TACC2: variants seen among roughly 807,000 people sequenced by gnomAD.
TACC2 encodes the protein transforming acidic coiled-coil-containing protein 2.
TACC2 carries 137 observed loss-of-function variants against 227.3 expected under a neutral mutation model. The observed-to-expected ratio is 0.60, with a 90% CI of 0.52 to 0.69. The LOEUF is 0.69. TACC2 is among the 30% of genes least tolerant of loss of function. The pLI is 0.00. For missense variants in TACC2, 3,470 were observed against 3,694.4 expected, an observed-to-expected ratio of 0.94 and a Z score of 1.57; for synonymous variants, 1,523 against 1,487.5, an observed-to-expected ratio of 1.02 and a Z score of -0.55.
intron 7 of TACC2, among the ~76,000 whole-genome samples, chr10:122,167,911 G>A (rs193063958): frequency 9.9e-5 from 15 of 151,930 alleles, no homozygotes; most frequent in Admixed American, 5.2e-4. Flanking sequence ...TTTTGAGACA[G>A]TGTTTCACTC....
In TACC2 at chr10:122,143,847, G is replaced by A. The variant is rs191121130; in HGVS notation, c.5834+141G>A. On this transcript the variant is annotated intron_variant, in intron 7 of 22. Transcript: ENST00000369005. ...TTTGGCCCCGTGAGACCATGTCTCT[G>A]ACCCTTTGGGCCATAGCCGATCTCA... The A allele has an allele frequency of 1.6e-4, 153 of 930,182 alleles. No individual in the cohort carries two copies. In the African/African-American group the frequency reaches 2.3e-3, roughly 14 times the overall value. The allele number at this position is 930,182 out of a possible 1,614,324, so 57.6% of individuals were successfully genotyped here. A position where few individuals can be genotyped will look rare whatever the true frequency, so the allele number is the denominator to read the frequency against.
chr10:122,151,903 A>G (rs1238031276), intron 7 of TACC2, among the ~76,000 whole-genome samples: 1 of 152,200 alleles, frequency 6.6e-6, no homozygotes, highest in East Asian at 1.9e-4. Context: ...AACGTGGGCC[A>G]CAGTATGTCT....
chr10:122,018,032 A>G (rs1266555711), intron 1 of TACC2, among the ~76,000 whole-genome samples: 1 of 148,312 alleles, frequency 6.7e-6, no homozygotes, highest in Non-Finnish European at 1.5e-5. Context: ...AACAGGATAC[A>G]TGTGCAGAAC....
chr10:122,155,363 T>C (rs917256555), intron 7 of TACC2, among the ~76,000 whole-genome samples: 2 of 151,098 alleles, frequency 1.3e-5, no homozygotes, highest in African/African-American at 4.8e-5. Flanking sequence ...AACCAGTGAC[T>C]TTAAACCTTA....
intron 8 of TACC2, among the ~76,000 whole-genome samples, chr10:122,197,684 TTA>T (rs2094620178): frequency 2.0e-5 from 3 of 152,320 alleles, no homozygotes; most frequent in Admixed American, 6.5e-5. Flanking sequence ...AACGGGGACT[TTA>T]TGTTTCTCCT....
At chr10:122,055,300 A>G (rs992264434) in intron 3 of TACC2, among the ~76,000 whole-genome samples, 1 of 152,174 alleles carries the variant, frequency 6.6e-6, no homozygotes, top group Admixed American at 6.5e-5. Flanking sequence ...CGTGTGGGGT[A>G]GAGCACAGAG....
rs558023965 is a variant in TACC2, at chr10:122,175,706, T to G, written c.5835-19334T>G. Among the ~76,000 whole-genome samples the G allele has an allele frequency of 2.0e-5, 3 of 152,356 alleles. No individual in the cohort carries two copies. The South Asian group carries it at 6.2e-4, about 32-fold the overall frequency. On this transcript the variant is annotated intron_variant, in intron 7 of 22. Coordinates refer to ENST00000369005, the MANE Select transcript of TACC2 (RefSeq NM_206862.4). ...ACTTTCCTGGAGACTGTCTGAATTGTCTACAACTCAGGGACCAGGGAAATA... is the reference window on the plus strand; with the variant it reads ...ACTTTCCTGGAGACTGTCTGAATTGGCTACAACTCAGGGACCAGGGAAATA...
intron 5 of TACC2, among the ~76,000 whole-genome samples, chr10:122,112,628 GCGCGGGCCGCC>G (rs1192191675): frequency 4.7e-4 from 7 of 14,798 alleles, no homozygotes; most frequent in African/African-American, 6.0e-4. Context: ...CGCAGAGGAA[GCGCGGGCCGCC>G]TGGCCGGTAC....
chr10:122,183,055 G>C (rs2094028874), intron 7 of TACC2, among the ~76,000 whole-genome samples: 1 of 152,044 alleles, frequency 6.6e-6, no homozygotes, highest in African/African-American at 2.4e-5. Context: ...AATACAAAAA[G>C]TTAGATGGGC....
intron 1 of TACC2, among the ~76,000 whole-genome samples, chr10:122,010,279 A>G (rs1955761686): frequency 6.6e-6 from 1 of 152,238 alleles, no homozygotes; most frequent in African/African-American, 2.4e-5. Context: ...ATATCCAAAA[A>G]TGACAGCATA....
intron 7 of TACC2, among the ~76,000 whole-genome samples, chr10:122,157,044 C>T (rs2092533781): frequency 6.6e-6 from 1 of 152,074 alleles, no homozygotes; most frequent in Non-Finnish European, 1.5e-5. Flanking sequence ...CCCAGGAGGT[C>T]GAGGCTGCAG....
rs556792085 is a variant in TACC2, at chr10:122,225,742, G to A, written c.7609-624G>A. Reference sequence around the variant, plus strand: ...TGCCTGGTGCGTTGGCAGGCCTCGCGGATGAATTCGTGAGGAGCATGCCCT... The same window carrying A: ...TGCCTGGTGCGTTGGCAGGCCTCGCAGATGAATTCGTGAGGAGCATGCCCT... On this transcript the variant is annotated intron_variant, in intron 12 of 22. Coordinates refer to ENST00000369005, the MANE Select transcript of TACC2 (RefSeq NM_206862.4). 5.3e-5 allele frequency among the ~76,000 whole-genome samples: 8 copies of A among 152,316 alleles called. No homozygotes were observed. The South Asian group carries it at 1.0e-3, about 20-fold the overall frequency.
intron 20 of TACC2, 84 bp from the exon 21 acceptor site, chr10:122,248,966 C>T: frequency 6.7e-7 from 1 of 1,489,730 alleles, no homozygotes. Context: ...GTTACACCTG[C>T]ATCCGAGAGT....
chr10:122,066,253 G>A (rs2077372522), intron 3 of TACC2, among the ~76,000 whole-genome samples: 1 of 150,950 alleles, frequency 6.6e-6, no homozygotes, highest in African/African-American at 2.4e-5. Flanking sequence ...GACTACAGGG[G>A]CCTGCCACCA....
intron 7 of TACC2, among the ~76,000 whole-genome samples, chr10:122,176,976 G>A (rs1041492915): frequency 6.6e-6 from 1 of 152,204 alleles, no homozygotes; most frequent in Non-Finnish European, 1.5e-5. Flanking sequence ...TGTAGGGTGA[G>A]TAAATGTGGT....
rs564210063 is a variant in TACC2, at chr10:122,030,262, C to T, written c.33+8248C>T. Among the ~76,000 whole-genome samples, 6 of 152,092 alleles carry T rather than the reference C, an allele frequency of 3.9e-5. No homozygotes were observed. In the East Asian group the frequency reaches 9.6e-4, roughly 24 times the overall value. On this transcript the variant is annotated intron_variant, in intron 2 of 22. Coordinates refer to ENST00000369005, the MANE Select transcript of TACC2 (RefSeq NM_206862.4). Reference sequence around the variant, plus strand: ...GTTGAAAATGGGTTACATTTTTCTCCCCATTACTTTCACGAAATCCCACTG... The same window carrying T: ...GTTGAAAATGGGTTACATTTTTCTCTCCATTACTTTCACGAAATCCCACTG...
chr10:122,009,280 G>A (rs1955634979), intron 1 of TACC2, among the ~76,000 whole-genome samples: 1 of 152,108 alleles, frequency 6.6e-6, no homozygotes, highest in South Asian at 2.1e-4. Context: ...AGGAAGTATT[G>A]GGAGACAGGT....
intron 3 of TACC2, among the ~76,000 whole-genome samples, chr10:122,080,254 A>T (rs1442584317): frequency 7.2e-6 from 1 of 138,606 alleles, no homozygotes; most frequent in Non-Finnish European, 1.5e-5. Flanking sequence ...TTGTTTTGAG[A>T]CAGAGTCTCA....
At chr10:122,200,276 G>A (rs1420414221) in intron 8 of TACC2, among the ~76,000 whole-genome samples, 1 of 152,126 alleles carries the variant, frequency 6.6e-6, no homozygotes, top group Non-Finnish European at 1.5e-5. Context: ...CCAGATCCAA[G>A]CCCCGTTCAT....
Sources: gnomAD v4.1 joint callset for allele counts (sites outside exome capture counted in the v4.1 genomes callset) on GRCh38, gnomAD v4.1.1 for gene constraint, MANE v1.5 for transcripts, NCBI Gene and HGNC (gene_info 2026-07-23, HGNC 2026-07-21) for gene names.